The following OSBPL3 variants were observed in gnomAD, a reference collection of about 807,000 sequenced individuals.
OSBPL3 encodes the protein oxysterol-binding protein-related protein 3.
In OSBPL3, 65 loss-of-function variants were observed where a neutral mutation model predicts 120.1. The observed-to-expected ratio is 0.54, with a 90% CI of 0.44 to 0.67. The LOEUF is 0.67. Ranked by LOEUF, OSBPL3 falls within the 30% of genes least tolerant of loss-of-function variation. The pLI, the probability that OSBPL3 is intolerant of heterozygous loss-of-function variation, is 0.00. For missense variants in OSBPL3, 1,004 were observed against 1,082.1 expected, an observed-to-expected ratio of 0.93 and a Z score of 1.01; for synonymous variants, 416 against 402.6, an observed-to-expected ratio of 1.03 and a Z score of -0.40.
At chr7:24,880,320 G>A (rs1803487381) in intron 2 of OSBPL3, among the ~76,000 whole-genome samples, 2 of 152,222 alleles carry the variant, frequency 1.3e-5, no homozygotes, top group South Asian at 4.2e-4. Context: ...GCAGCTGAGT[G>A]TCCACTGTGG....
chr7:24,844,603 A>G (rs1366714214), intron 12 of OSBPL3, among the ~76,000 whole-genome samples: 3 of 152,190 alleles, frequency 2.0e-5, no homozygotes, highest in Non-Finnish European at 4.4e-5. Context: ...TAATCATGCT[A>G]TTTTCATATC....
chr7:24,865,552 G>C lies in OSBPL3; in HGVS notation c.550-87C>G, dbSNP rs1801193022. ...AGACAAAGGATAACAGAGTGGGCTA[G>C]TCACTAATGGACACCATCTGCCTAT... On this transcript the variant is annotated intron_variant, in intron 6 of 22. Transcript: ENST00000313367. 4 of 1,278,846 alleles carry C rather than the reference G, an allele frequency of 3.1e-6. No homozygotes were observed. In the South Asian group the frequency reaches 4.0e-5, roughly 13 times the overall value. The allele number at this position is 1,278,846 out of a possible 1,614,324, so 79.2% of individuals were successfully genotyped here. A position where few individuals can be genotyped will look rare whatever the true frequency, so the allele number is the denominator to read the frequency against.
At chr7:24,917,404 A>G in intron 1 of OSBPL3, among the ~76,000 whole-genome samples, 1 of 73,108 alleles carries the variant, frequency 1.4e-5, no homozygotes, top group African/African-American at 9.0e-5. Context: ...TTTGTAACAT[A>G]TATATATATA....
rs368020117 is a variant in OSBPL3, at chr7:24,834,715, C to T, written c.1517G>A (p.Arg506Gln). Residue 506 changes from arginine (R) to glutamine (Q), a missense_variant, in exon 15 of 23, where the codon CGG (arginine) becomes CAG (glutamine). By Grantham distance (43) the Arg-to-Gln change is conservative. Transcript: ENST00000313367. The surrounding 1 kb of genome is among the most constrained non-coding windows in gnomAD (Gnocchi z 5.2). ...CGTTCTTCTCCGGGACTTCGCTTCC[C>T]GACCACTATCAAGGACAGGCCCTGA... is the stretch of plus-strand genomic sequence containing the variant. ...QTLGPVLDSG[R>Q]EAKSRRRTCL... is the part of the protein sequence containing the mutation. The T allele has an allele frequency of 6.8e-6, 11 of 1,611,742 alleles. No homozygotes were observed. The highest frequency in any genetic ancestry group is 1.7e-4 in the Middle Eastern group (1 of 6,054).
chr7:24,930,268 T>TA lies in OSBPL3; in HGVS notation c.-149-37648dup, dbSNP rs143781208. Among the ~76,000 whole-genome samples, 5,493 of 151,726 alleles carry TA rather than the reference T, an allele frequency of 0.036. 128 individuals carry two copies. Among genetic ancestry groups the TA allele is most frequent in the Non-Finnish European group, 0.056 (3,828 of 67,864 alleles). On this transcript the variant is annotated intron_variant, in intron 1 of 22. Coordinates refer to ENST00000313367, the MANE Select transcript of OSBPL3 (RefSeq NM_015550.4). The surrounding 1 kb of genome is among the most constrained non-coding windows in gnomAD (Gnocchi z 4.4). ...AGTTCCAAGGAAATATGCACTAAAA[T>TA]AAAAAAAATGTGCAAATAAAACATC...
chr7:24,865,922 TG>T, intron 6 of OSBPL3, 147 bp downstream of exon 6: 2 of 638,398 alleles, frequency 3.1e-6, no homozygotes, highest in Non-Finnish European at 5.5e-6. Flanking sequence ...TCTGACTCAG[TG>T]GGCAAACAGA....
chr7:24,816,773 C>T, intron 17 of OSBPL3, 85 bp from the exon 18 acceptor site: 1 of 856,116 alleles, frequency 1.2e-6, no homozygotes, highest in Non-Finnish European at 2.0e-6. Context: ...TGATCAATCG[C>T]TATATAGTAC....
At position 24,806,697 on chromosome 7, in the gene OSBPL3, G is replaced by A; in HGVS notation, c.2444+79C>T. On this transcript the variant is annotated intron_variant, in intron 21 of 22. Transcript: ENST00000313367. The surrounding 1 kb of genome is among the most constrained non-coding windows in gnomAD (Gnocchi z 5.2). Reference sequence around the variant, plus strand: ...TTTCCACCTTTCTCAGGTGCCTCTGGTGGCCTAAGGATTGTTAATAAGACT... The same window carrying A: ...TTTCCACCTTTCTCAGGTGCCTCTGATGGCCTAAGGATTGTTAATAAGACT... 3 of 1,337,970 alleles carry A rather than the reference G, an allele frequency of 2.2e-6. No individual in the cohort carries two copies. Among genetic ancestry groups the A allele is most frequent in the Non-Finnish European group, 2.1e-6 (2 of 970,208 alleles). The allele number at this position is 1,337,970 out of a possible 1,614,324, so 82.9% of individuals were successfully genotyped here.
Position 24,818,279 on chromosome 7 carries a change from T to C in OSBPL3, c.1949-1591A>G, listed in dbSNP as rs1794713214. ...TTCACAATTCTGTGAATAAAAACCA[T>C]TGAATTGTACACTTTACACGGGTGA... On this transcript the variant is annotated intron_variant, in intron 17 of 22. Transcript: ENST00000313367. The surrounding 1 kb of genome is among the most constrained non-coding windows in gnomAD (Gnocchi z 4.0). 6.6e-6 allele frequency among the ~76,000 whole-genome samples: 1 copy of C among 152,126 alleles called. No individual in the cohort carries two copies. The highest frequency in any genetic ancestry group is 2.4e-5 in the African/African-American group (1 of 41,416).
rs995531681 is a variant in OSBPL3, at chr7:24,803,509, C to T, written c.2567+806G>A. Among the ~76,000 whole-genome samples the T allele has an allele frequency of 4.6e-5, 7 of 151,972 alleles. No individual in the cohort carries two copies. Among genetic ancestry groups the T allele is most frequent in the Admixed American group, 2.0e-4 (3 of 15,260 alleles). ...AAAATTTATATCTATTGGCTGGGCACGGTGGCTCTTACCTGTACTTTGGGA... is the reference window on the plus strand; with the variant it reads ...AAAATTTATATCTATTGGCTGGGCATGGTGGCTCTTACCTGTACTTTGGGA... On this transcript the variant is annotated intron_variant, in intron 22 of 22. Transcript: ENST00000313367. This position sits in a 1 kb window ranked among gnomAD's most constrained non-coding sequence, Gnocchi z 4.2.
At chr7:24,839,629 C>G (rs568336673) in intron 14 of OSBPL3, among the ~76,000 whole-genome samples, 1 of 152,086 alleles carries the variant, frequency 6.6e-6, no homozygotes, top group Admixed American at 6.5e-5. Flanking sequence ...ATTATAAAAA[C>G]CCCCTGATAT....
rs1397071988 is a variant in OSBPL3, at chr7:24,835,995, A to C, written c.1496-1259T>G. 6.6e-6 allele frequency among the ~76,000 whole-genome samples: 1 copy of C among 151,980 alleles called. No individual in the cohort carries two copies. Among genetic ancestry groups the C allele is most frequent in the African/African-American group, 2.4e-5 (1 of 41,362 alleles). On this transcript the variant is annotated intron_variant, in intron 14 of 22. Transcript: ENST00000313367. The surrounding 1 kb of genome is among the most constrained non-coding windows in gnomAD (Gnocchi z 4.8). ...CTATGCTTATTACCTTGGTGATGAA[A>C]TAATCTGTACAGCAACCACCGTGAC...
At chr7:24,975,646 G>A (rs1817504742) in intron 1 of OSBPL3, among the ~76,000 whole-genome samples, 1 of 152,136 alleles carries the variant, frequency 6.6e-6, no homozygotes, top group South Asian at 2.1e-4. Flanking sequence ...TAGTAAGGGA[G>A]GCAATAAGTT....
intron 1 of OSBPL3, among the ~76,000 whole-genome samples, chr7:24,941,797 T>G (rs1025031108): frequency 6.6e-6 from 1 of 152,228 alleles, no homozygotes; most frequent in Non-Finnish European, 1.5e-5. Context: ...GCAAAACTTG[T>G]GAACAAATGA....
At chr7:24,957,897 C>G (rs1815261484) in intron 1 of OSBPL3, among the ~76,000 whole-genome samples, 1 of 152,186 alleles carries the variant, frequency 6.6e-6, no homozygotes, top group African/African-American at 2.4e-5. Context: ...CCATCATACA[C>G]TGTTTTACAC....
chr7:24,849,025 G>T lies in OSBPL3; in HGVS notation c.1266+44C>A. On this transcript the variant is annotated intron_variant, in intron 12 of 22. Transcript: ENST00000313367. The surrounding 1 kb of genome is among the most constrained non-coding windows in gnomAD (Gnocchi z 5.4). The stretch of plus-strand genomic sequence containing the variant: ...ATGGGACAGATGGTATCACGGGAGC[G>T]GGCGGCAGCTGGGGAGACATTACCA... 1 of 1,346,764 alleles carries T rather than the reference G, an allele frequency of 7.4e-7. No homozygotes were observed. Among genetic ancestry groups the T allele is most frequent in the Non-Finnish European group, 1.1e-6 (1 of 940,434 alleles). The allele number at this position is 1,346,764 out of a possible 1,614,324, so 83.4% of individuals were successfully genotyped here.
At chr7:24,928,729 C>T (rs1691713607) in intron 1 of OSBPL3, among the ~76,000 whole-genome samples, 1 of 152,174 alleles carries the variant, frequency 6.6e-6, no homozygotes, top group Non-Finnish European at 1.5e-5. Context: ...TCTGGTTTTA[C>T]CTGTTCTAGG....
Position 24,820,335 on chromosome 7 carries a change from C to T in OSBPL3, c.1885-97G>A, listed in dbSNP as rs1018679398. 5.5e-5 allele frequency: 48 copies of T among 865,528 alleles called. 1 individual carries two copies. In the South Asian group the frequency reaches 7.1e-4, roughly 13 times the overall value. The allele number at this position is 865,528 out of a possible 1,614,324, so 53.6% of individuals were successfully genotyped here. A position where few individuals can be genotyped will look rare whatever the true frequency, so the allele number is the denominator to read the frequency against. On this transcript the variant is annotated intron_variant, in intron 16 of 22. Transcript: ENST00000313367. The surrounding 1 kb of genome is among the most constrained non-coding windows in gnomAD (Gnocchi z 4.6). ...CCCTGCACTGAGATGTAACAGCGTGCAATGCTGAACTGAAGGAAAAACTTC... is the reference window on the plus strand; with the variant it reads ...CCCTGCACTGAGATGTAACAGCGTGTAATGCTGAACTGAAGGAAAAACTTC...
In OSBPL3 at chr7:24,964,047, A is replaced by G. The variant is rs1274910951; in HGVS notation, c.-150+15839T>C. On this transcript the variant is annotated intron_variant, in intron 1 of 22. Coordinates refer to ENST00000313367, the MANE Select transcript of OSBPL3 (RefSeq NM_015550.4). The surrounding 1 kb of genome is among the most constrained non-coding windows in gnomAD (Gnocchi z 4.2). Reference sequence around the variant, plus strand: ...GCTGGACGAACTTCAGAAACAAAATAAAGTACTACTAAATTATAATCCAAA... The same window carrying G: ...GCTGGACGAACTTCAGAAACAAAATGAAGTACTACTAAATTATAATCCAAA... Among the ~76,000 whole-genome samples the G allele has an allele frequency of 6.6e-6, 1 of 152,256 alleles. No homozygotes were observed. The highest frequency in any genetic ancestry group is 2.4e-5 in the African/African-American group (1 of 41,466).
Sources: gnomAD v4.1 joint callset for allele counts (sites outside exome capture counted in the v4.1 genomes callset) on GRCh38, gnomAD v4.1.1 for gene constraint, Gnocchi (gnomAD v3.1) non-coding constraint, MANE v1.5 for transcripts, NCBI Gene and HGNC (gene_info 2026-07-23, HGNC 2026-07-21) for gene names.